The following RAVER1 variants were observed in gnomAD, a reference collection of about 807,000 sequenced individuals.
RAVER1 encodes the protein ribonucleoprotein PTB-binding 1.
RAVER1 carries 36 observed loss-of-function variants against 68.4 expected under a neutral mutation model. The ratio of observed to expected loss-of-function variants is 0.53; its 90% CI spans 0.40 to 0.70. RAVER1 has a LOEUF of 0.70. Among genes scored for constraint, RAVER1 ranks in the 30% least tolerant of loss-of-function variants. The pLI, the probability that RAVER1 is intolerant of heterozygous loss-of-function variation, is 0.00. For synonymous variants in RAVER1, 469 were observed against 472.7 expected (o/e 0.99, Z 0.10); for missense variants, 933 against 1,019.8 (o/e 0.91, Z 1.16).
chr19:10,331,906 C>T (rs1336379660), intron 1 of RAVER1, among the ~76,000 whole-genome samples: 1 of 152,128 alleles, frequency 6.6e-6, no homozygotes, highest in East Asian at 1.9e-4. Flanking sequence ...CTGGGGAGCC[C>T]ACCTTCTAGT....
Position 10,317,404 on chromosome 19 carries a change from C to CAAA in RAVER1, c.*49_*50insTTT, listed in dbSNP as rs756601273. ...AAACACAAAACAAAACATCAGAAAA[C>CAAA]CCAAAAGCGATTTGGTGCAGGCCCT... is the stretch of plus-strand genomic sequence containing the variant. On this transcript the variant is annotated 3_prime_UTR_variant, in exon 13 of 13. Coordinates refer to ENST00000617231, the MANE Select transcript of RAVER1 (RefSeq NM_133452.3). This position sits in a 1 kb window ranked among gnomAD's most constrained non-coding sequence, Gnocchi z 4.3. 710 of 1,593,868 alleles carry CAAA rather than the reference C, an allele frequency of 4.5e-4. No individual in the cohort carries two copies. The highest frequency in any genetic ancestry group is 5.1e-4 in the Non-Finnish European group (597 of 1,165,520).
Position 10,317,719 on chromosome 19 carries a change from C to T in RAVER1, c.2044G>A (p.Gly682Arg), listed in dbSNP as rs752237465. The change falls in exon 12 of 13, where the codon GGG becomes AGG. Residue 682 changes from glycine to arginine, a missense_variant. Physicochemically the swap from Gly to Arg is moderately radical, Grantham distance 125 (BLOSUM62 -2). Around this residue, in one of 3 missense-constraint regions of RAVER1, gnomAD observed 699 missense variants for 731.1 expected, o/e 0.96. Transcript: ENST00000617231. The surrounding 1 kb of genome is among the most constrained non-coding windows in gnomAD (Gnocchi z 4.3). ...SGEGLLGLSPGPNGHSHLLKT... is the reference protein window; with the variant it reads ...SGEGLLGLSPRPNGHSHLLKT... ...AGCAGGTGGCTGTGACCATTAGGCC[C>T]GGGGCTGAGGCCCAGGAGCCCTTCT... is the stretch of plus-strand genomic sequence containing the variant. 15 of 1,595,464 alleles carry T rather than the reference C, an allele frequency of 9.4e-6. No homozygotes were observed. The highest frequency in any genetic ancestry group is 2.1e-4 in the Middle Eastern group (1 of 4,712).
rs192365342 is a variant in RAVER1 at position 10,325,064 on chromosome 19, A to T, written c.757-1498T>A. Among the ~76,000 whole-genome samples the T allele has an allele frequency of 4.7e-3, 713 of 151,374 alleles. 6 individuals are homozygous for T. The highest frequency in any genetic ancestry group is 0.017 in the African/African-American group (685 of 41,204). On this transcript the variant is annotated intron_variant, in intron 3 of 12. Transcript: ENST00000617231. ...TTGAGGGAGTCTCGCTCTGTTGCCC[A>T]GGCTGGAGTGCGGTGGCATGATCTT...
At chr19:10,319,340 A>C in intron 9 of RAVER1, 100 bp from the exon 10 acceptor site, 1 of 1,232,808 alleles carries the variant, frequency 8.1e-7, no homozygotes. Flanking sequence ...GACAGTCCCC[A>C]CCACTCTGGG....
Position 10,329,721 on chromosome 19 carries a change from G to A in RAVER1, c.287-610C>T, listed in dbSNP as rs1162461163. Among the ~76,000 whole-genome samples, 3 of 152,124 alleles carry A rather than the reference G, an allele frequency of 2.0e-5. No individual in the cohort carries two copies. The highest frequency in any genetic ancestry group is 1.9e-4 in the East Asian group (1 of 5,196). Reference sequence around the variant, plus strand: ...CAGATTTGCGATCCACCCAGCGGCCGCAGGAAGCTTTGTTCAAAACGATCA... The same window carrying A: ...CAGATTTGCGATCCACCCAGCGGCCACAGGAAGCTTTGTTCAAAACGATCA... On this transcript the variant is annotated intron_variant, in intron 2 of 12. Transcript: ENST00000617231. The surrounding 1 kb of genome is among the most constrained non-coding windows in gnomAD (Gnocchi z 4.6).
intron 6 of RAVER1, 62 bp from the exon 7 acceptor site, chr19:10,321,680 G>T: frequency 7.7e-7 from 1 of 1,294,810 alleles, no homozygotes; most frequent in Non-Finnish European, 1.0e-6. Context: ...GCAGACAGGT[G>T]TGGCCCAGAG....
In RAVER1 at chr19:10,322,694, G is replaced by A. The variant is rs769304608; in HGVS notation, c.1124C>T (p.Ala375Val). The change falls in exon 6 of 13, where the codon GCC (alanine) becomes GTC (valine). Residue 375 changes from alanine (A) to valine (V), a missense_variant. Ala to Val is a moderately conservative substitution (Grantham distance 64, BLOSUM62 0). Around this residue, in one of 3 missense-constraint regions of RAVER1, gnomAD observed 699 missense variants for 731.1 expected, o/e 0.96. Transcript: ENST00000617231. The surrounding 1 kb of genome is among the most constrained non-coding windows in gnomAD (Gnocchi z 4.3). Reference protein sequence around the residue: ...PPAMPLLNGPALSTALLQLAL... With the variant: ...PPAMPLLNGPVLSTALLQLAL... ...GAGCTGCAACAGCGCCGTGGACAGG[G>A]CTGGCCCATTGAGCAGCGGCATGGC... The A allele has an allele frequency of 2.6e-6, 4 of 1,537,170 alleles. No individual in the cohort carries two copies. The highest frequency in any genetic ancestry group is 3.5e-6 in the Non-Finnish European group (4 of 1,152,702).
At position 10,317,488 on chromosome 19, in the gene RAVER1, G is replaced by T; in HGVS notation, c.2186C>A (p.Ala729Glu). 6.2e-7 allele frequency: 1 copy of T among 1,613,772 alleles called. No individual in the cohort carries two copies. The highest frequency in any genetic ancestry group is 8.5e-7 in the Non-Finnish European group (1 of 1,179,644). ...QHSQGLGGHY[A>E]DSYLKRKRIF ...CCTCTTCCGCTTCAGGTAGGAGTCC[G>T]CGTAGTGGCCGCCGAGGCCCTGGGA... The change falls in exon 13 of 13, where the codon GCG becomes GAG. Residue 729 changes from alanine to glutamate, a missense_variant. Transcript: ENST00000617231. The surrounding 1 kb of genome is among the most constrained non-coding windows in gnomAD (Gnocchi z 4.3).
At chr19:10,318,587 C>A (rs1284806675) in intron 10 of RAVER1, among the ~76,000 whole-genome samples, 1 of 152,170 alleles carries the variant, frequency 6.6e-6, no homozygotes, top group Admixed American at 6.5e-5. Context: ...CTCACACTCA[C>A]GACCTCAGGT....
At chr19:10,320,543 A>C in intron 9 of RAVER1, 112 bp downstream of exon 9, 2 of 826,586 alleles carry the variant, frequency 2.4e-6, no homozygotes, top group Non-Finnish European at 3.6e-6. Flanking sequence ...CATATCTGGC[A>C]CGTTCCCTGC....
intron 9 of RAVER1, 105 bp from the exon 10 acceptor site, chr19:10,319,345 T>C: frequency 8.4e-7 from 1 of 1,188,826 alleles, no homozygotes. Flanking sequence ...TCCCCACCAC[T>C]CTGGGACCAG....
At position 10,325,520 on chromosome 19, in the gene RAVER1, T is replaced by TGCCCG. The variant is rs562895585; in HGVS notation, c.757-1955_757-1954insCGGGC. On this transcript the variant is annotated intron_variant, in intron 3 of 12. Transcript: ENST00000617231. ...CTGGGATTACAGGCGTGAGCCACCG[T>TGCCCG]GCCATGAGACAGGGTTTTACCATGT... 4.8e-3 allele frequency among the ~76,000 whole-genome samples: 731 copies of TGCCCG among 152,204 alleles called. 6 individuals carry two copies. The highest frequency in any genetic ancestry group is 0.017 in the African/African-American group (703 of 41,532).
Position 10,322,415 on chromosome 19 carries a change from CA to C in RAVER1, c.1173+229del. Reference sequence around the variant, plus strand: ...CTGACCCCACCCCAGGCACCAAGTCCAGGGGCGCTCTCAGAATGGAGGGAAA... The same window carrying C: ...CTGACCCCACCCCAGGCACCAAGTCCGGGGCGCTCTCAGAATGGAGGGAAA... On this transcript the variant is annotated intron_variant, in intron 6 of 12. Coordinates refer to ENST00000617231, the MANE Select transcript of RAVER1 (RefSeq NM_133452.3). This position sits in a 1 kb window ranked among gnomAD's most constrained non-coding sequence, Gnocchi z 4.3. 2.0e-6 allele frequency: 1 copy of C among 500,606 alleles called. No individual in the cohort carries two copies. The highest frequency in any genetic ancestry group is 3.5e-6 in the Non-Finnish European group (1 of 288,084). The allele number at this position is 500,606 out of a possible 1,614,324, so 31.0% of individuals were successfully genotyped here.
In RAVER1 at chr19:10,321,113, C is replaced by T. The variant is rs2040433783; in HGVS notation, c.1408G>A (p.Gly470Arg). Residue 470 changes from glycine to arginine, a missense_variant, in exon 8 of 13, where the codon GGG (glycine) becomes AGG (arginine). Coordinates refer to ENST00000617231, the MANE Select transcript of RAVER1 (RefSeq NM_133452.3). The part of the protein sequence containing the change: ...AQLTPPPAPV[G>R]LRGSGLRGLQ... ...CCTCTGAGGCCAGAGCCTCGGAGCC[C>T]CACAGGGGCGGGGGGAGGAGTGAGC... is the stretch of plus-strand genomic sequence containing the variant. The T allele has an allele frequency of 1.5e-6, 2 of 1,317,006 alleles. No individual in the cohort carries two copies. Among genetic ancestry groups the T allele is most frequent in the Admixed American group, 4.1e-5 (1 of 24,572 alleles). 81.6% of individuals were successfully genotyped at this position (1,317,006 alleles called of 1,614,324 possible).
At chr19:10,330,218 G>C (rs920024635) in intron 2 of RAVER1, among the ~76,000 whole-genome samples, 1 of 152,076 alleles carries the variant, frequency 6.6e-6, no homozygotes, top group East Asian at 1.9e-4. Context: ...ACGTTGTCAA[G>C]AATTAGCTCA....
chr19:10,333,330 T>G lies in RAVER1; in HGVS notation c.178A>C (p.Lys60Gln). The G allele has an allele frequency of 6.2e-7, 1 of 1,611,036 alleles. No homozygotes were observed. The change falls in exon 1 of 13, where the codon AAG becomes CAG. Residue 60 changes from lysine to glutamine, a missense_variant. This residue lies in a region of RAVER1 where 211 missense variants were observed against 230.0 expected (regional missense o/e 0.92). Transcript: ENST00000617231. This position sits in a 1 kb window ranked among gnomAD's most constrained non-coding sequence, Gnocchi z 4.2. ...CCCGGGAGGCCCCGGATCAGTATCT[T>G]GCGGCGGTTACGGAACTGGCGCTCG... Reference protein sequence around the residue: ...HTERQFRNRRKILIRGLPGDV... With the variant: ...HTERQFRNRRQILIRGLPGDV...
In RAVER1 at chr19:10,322,287, T is replaced by C; in HGVS notation, c.1173+358A>G. The C allele has an allele frequency of 3.6e-6, 1 of 276,716 alleles. No individual in the cohort carries two copies. The highest frequency in any genetic ancestry group is 6.8e-6 in the Non-Finnish European group (1 of 147,702). The allele number at this position is 276,716 out of a possible 1,614,324, so 17.1% of individuals were successfully genotyped here. ...GACCTGGAGTTTTTTCCCAGGCATGTCTATAGAGCTTCCGAGCAGAGTCTA... is the reference window on the plus strand; with the variant it reads ...GACCTGGAGTTTTTTCCCAGGCATGCCTATAGAGCTTCCGAGCAGAGTCTA... On this transcript the variant is annotated intron_variant, in intron 6 of 12. Transcript: ENST00000617231. This position sits in a 1 kb window ranked among gnomAD's most constrained non-coding sequence, Gnocchi z 4.3.
Position 10,321,526 on chromosome 19 carries a change from G to A in RAVER1, c.1261+5C>T, listed in dbSNP as rs2040437949. ...GGGACACCGTGTGGGCAGGGTCTGCGTTACCTGCAGGCAGCTCCCCGAGGA... is the reference window on the plus strand; with the variant it reads ...GGGACACCGTGTGGGCAGGGTCTGCATTACCTGCAGGCAGCTCCCCGAGGA... On this transcript the variant is annotated splice_donor_5th_base_variant and intron_variant, in intron 7 of 12. Transcript: ENST00000617231. 13 of 1,356,250 alleles carry A rather than the reference G, an allele frequency of 9.6e-6. No homozygotes were observed. Among genetic ancestry groups the A allele is most frequent in the Admixed American group, 6.1e-5 (2 of 32,776 alleles). The allele number at this position is 1,356,250 out of a possible 1,614,324, so 84.0% of individuals were successfully genotyped here.
intron 1 of RAVER1, among the ~76,000 whole-genome samples, chr19:10,331,356 C>CAAAA (rs58419369): frequency 1.5e-3 from 43 of 29,160 alleles, no homozygotes; most frequent in Admixed American, 3.2e-3. Context: ...GACTCCGTCT[C>CAAAA]AAAAAAAAAA....
Sources: gnomAD v4.1 joint callset for allele counts (sites outside exome capture counted in the v4.1 genomes callset) on GRCh38, gnomAD v4.1.1 for gene constraint, gnomAD v4.1.1 regional missense constraint, Gnocchi (gnomAD v3.1) non-coding constraint, MANE v1.5 for transcripts, NCBI Gene and HGNC (gene_info 2026-07-23, HGNC 2026-07-21) for gene names.